SRGAP1: variants seen among roughly 807,000 people sequenced by gnomAD.
SRGAP1 encodes the protein SLIT-ROBO Rho GTPase activating protein 1, also known as SLIT-ROBO Rho GTPase-activating protein 1.
Under a neutral mutation model 121.9 loss-of-function variants are expected in SRGAP1, and 43 were observed. That is an observed-to-expected ratio of 0.35 (90% CI 0.28 to 0.46). The LOEUF is 0.46. SRGAP1 is among the 20% of genes least tolerant of loss of function. The probability of loss-of-function intolerance (pLI) is 1.00; values close to 1 mark genes in which losing one functional copy is unlikely to be tolerated. For missense variants in SRGAP1, 1,102 were observed against 1,350.9 expected (o/e 0.82, Z 2.89); for synonymous variants, 447 against 485.4 (o/e 0.92, Z 1.04).
At chr12:64,079,414 A>C (rs1427599953) in intron 9 of SRGAP1, among the ~76,000 whole-genome samples, 2 of 151,652 alleles carry the variant, frequency 1.3e-5, no homozygotes, top group Admixed American at 6.6e-5. Context: ...GGATCATTTG[A>C]GCCCAGGAGT....
intron 1 of SRGAP1, among the ~76,000 whole-genome samples, chr12:63,870,567 T>G (rs977850628): frequency 6.8e-6 from 1 of 147,786 alleles, no homozygotes; most frequent in Admixed American, 6.8e-5. Flanking sequence ...TGAGAGAGTC[T>G]TGCTCTGTTG....
chr12:63,982,070 AGGCATGGT>A (rs1370370038), intron 1 of SRGAP1, among the ~76,000 whole-genome samples: 10 of 152,120 alleles, frequency 6.6e-5, no homozygotes, highest in African/African-American at 2.4e-4. Flanking sequence ...AAAATTAGCC[AGGCATGGT>A]GGCAGGCGCC....
intron 1 of SRGAP1, among the ~76,000 whole-genome samples, chr12:63,929,427 AC>A (rs928456704): frequency 6.6e-6 from 1 of 152,200 alleles, no homozygotes; most frequent in Non-Finnish European, 1.5e-5. Context: ...TCATGACAGC[AC>A]CTCAGTGCTC....
chr12:64,087,510 G>A (rs964896216), intron 11 of SRGAP1, among the ~76,000 whole-genome samples: 3 of 152,094 alleles, frequency 2.0e-5, no homozygotes, highest in African/African-American at 4.8e-5. Flanking sequence ...GAGGCGGGTG[G>A]ATCACCTGAG....
chr12:63,990,105 TC>T, intron 3 of SRGAP1, 33 bp downstream of exon 3: 1 of 1,536,050 alleles, frequency 6.5e-7, no homozygotes, highest in Non-Finnish European at 8.8e-7. Flanking sequence ...TAGTGTGCTT[TC>T]CAATAACTGC....
At chr12:64,035,045 GAAAA>G (rs67727865) in intron 4 of SRGAP1, among the ~76,000 whole-genome samples, 1 of 140,602 alleles carries the variant, frequency 7.1e-6, no homozygotes, top group Non-Finnish European at 1.5e-5. Flanking sequence ...CTGGGAACAA[GAAAA>G]AAAAAAAAAA....
chr12:63,937,256 G>A (rs7965219), intron 1 of SRGAP1, among the ~76,000 whole-genome samples: 1 of 152,140 alleles, frequency 6.6e-6, no homozygotes, highest in Non-Finnish European at 1.5e-5. Flanking sequence ...TCATTTAGTA[G>A]GAAAAACTGG....
intron 21 of SRGAP1, among the ~76,000 whole-genome samples, chr12:64,141,280 A>G (rs2036956077): frequency 8.5e-6 from 1 of 118,282 alleles, no homozygotes; most frequent in African/African-American, 3.6e-5. Flanking sequence ...AATAAAAAAA[A>G]AAAAAAAAAA....
At chr12:63,862,542 C>T (rs1374261927) in intron 1 of SRGAP1, among the ~76,000 whole-genome samples, 1 of 152,198 alleles carries the variant, frequency 6.6e-6, no homozygotes, top group Non-Finnish European at 1.5e-5. Context: ...AGACCTCCAG[C>T]AACTAAGATA....
rs2037128532 is a variant in SRGAP1 at position 64,152,427 on chromosome 12, C to G, written c.*9755C>G. ...CTCAAAAGCCACACGTGGGTCCCCA[C>G]TGCTGCAGGACGGCATACTACTGTG... is the stretch of plus-strand genomic sequence containing the variant. On this transcript the variant is annotated 3_prime_UTR_variant, in exon 22 of 22. Coordinates refer to ENST00000355086, the MANE Select transcript of SRGAP1 (RefSeq NM_020762.4). The G allele has an allele frequency of 6.6e-6, 1 of 152,286 alleles. No individual in the cohort carries two copies. The highest frequency in any genetic ancestry group is 1.5e-5 in the Non-Finnish European group (1 of 68,102). 9.4% of individuals were successfully genotyped at this position (152,286 alleles called of 1,614,324 possible). A position where few individuals can be genotyped will look rare whatever the true frequency, so the allele number is the denominator to read the frequency against.
chr12:63,895,944 C>G lies in SRGAP1; in HGVS notation c.67+51061C>G, dbSNP rs142728978. 4.4e-3 allele frequency among the ~76,000 whole-genome samples: 665 copies of G among 152,256 alleles called. 3 individuals carry two copies. The highest frequency in any genetic ancestry group is 7.9e-3 in the Non-Finnish European group (535 of 68,028). Reference sequence around the variant, plus strand: ...TAGTGTATCATGCAACAAAACATTGCCTTCTGCCAAACTTCCTGCTCAGGT... The same window carrying G: ...TAGTGTATCATGCAACAAAACATTGGCTTCTGCCAAACTTCCTGCTCAGGT... On this transcript the variant is annotated intron_variant, in intron 1 of 21. Coordinates refer to ENST00000355086, the MANE Select transcript of SRGAP1 (RefSeq NM_020762.4).
At chr12:63,999,973 C>T (rs1593022204) in intron 3 of SRGAP1, among the ~76,000 whole-genome samples, 1 of 151,972 alleles carries the variant, frequency 6.6e-6, no homozygotes, top group Admixed American at 6.6e-5. Context: ...TGAGAAGAAA[C>T]GCAGGTCAGT....
At chr12:64,097,529 C>T (rs759474856) in intron 15 of SRGAP1, 154 bp downstream of exon 15, 6 of 805,134 alleles carry the variant, frequency 7.5e-6, no homozygotes, top group African/African-American at 3.6e-5. Context: ...GGATCCAGTG[C>T]GAGTCATCCT....
intron 8 of SRGAP1, among the ~76,000 whole-genome samples, 189 bp from the exon 9 acceptor site, chr12:64,078,730 A>T (rs2035783672): frequency 6.6e-6 from 1 of 152,184 alleles, no homozygotes; most frequent in Non-Finnish European, 1.5e-5. Context: ...CCTTAGGATG[A>T]TTTTGAAGAA....
chr12:64,062,835 T>G, intron 6 of SRGAP1, 82 bp from the exon 7 acceptor site: 1 of 1,043,642 alleles, frequency 9.6e-7, no homozygotes, highest in East Asian at 2.6e-5. Flanking sequence ...CTTCTGAGAG[T>G]TTTATAGCTG....
intron 12 of SRGAP1, among the ~76,000 whole-genome samples, 169 bp downstream of exon 12, chr12:64,091,547 G>C (rs1245118175): frequency 6.6e-6 from 1 of 152,004 alleles, no homozygotes; most frequent in African/African-American, 2.4e-5. Flanking sequence ...AGAATATTTG[G>C]GTCGAGTGCC....
At position 64,146,928 on chromosome 12, in the gene SRGAP1, C is replaced by T. The variant is rs1429148243; in HGVS notation, c.*4256C>T. ...TATGTGGTATAATCGAGATGGATAC[C>T]TGTGTCTTTAAATTACGTAGGGAAT... On this transcript the variant is annotated 3_prime_UTR_variant, in exon 22 of 22. Transcript: ENST00000355086. The T allele has an allele frequency of 6.6e-6, 1 of 151,252 alleles. No individual in the cohort carries two copies. Among genetic ancestry groups the T allele is most frequent in the Non-Finnish European group, 1.5e-5 (1 of 67,936 alleles). 9.4% of individuals were successfully genotyped at this position (151,252 alleles called of 1,614,324 possible). A position where few individuals can be genotyped will look rare whatever the true frequency, so the allele number is the denominator to read the frequency against.
chr12:64,008,224 A>C (rs2034145375), intron 3 of SRGAP1, among the ~76,000 whole-genome samples: 1 of 152,304 alleles, frequency 6.6e-6, no homozygotes, highest in East Asian at 1.9e-4. Context: ...CCCTTCTTGA[A>C]GGTTTTGGGG....
At chr12:63,998,552 A>G (rs985559017) in intron 3 of SRGAP1, among the ~76,000 whole-genome samples, 2 of 152,222 alleles carry the variant, frequency 1.3e-5, no homozygotes, top group African/African-American at 4.8e-5. Flanking sequence ...CATAGGCACC[A>G]TGAAATTCAC....
Sources: gnomAD v4.1 joint callset for allele counts (sites outside exome capture counted in the v4.1 genomes callset) on GRCh38, gnomAD v4.1.1 for gene constraint, MANE v1.5 for transcripts, NCBI Gene and HGNC (gene_info 2026-07-23, HGNC 2026-07-21) for gene names.